The following FAM124B variants were observed in gnomAD, a reference collection of about 807,000 sequenced individuals.
The protein encoded by FAM124B is family with sequence similarity 124 member B, also known as protein FAM124B.
A neutral mutation model predicts 19.7 loss-of-function variants in FAM124B; 18 were observed. The observed-to-expected ratio is 0.92, with a 90% CI of 0.63 to 1.36. The LOEUF is 1.36. Among genes scored for constraint, FAM124B ranks in the 40% most tolerant of loss-of-function variants. The pLI is 0.00. For missense variants in FAM124B, 540 were observed against 553.3 expected, an observed-to-expected ratio of 0.98 and a Z score of 0.24; for synonymous variants, 223 against 225.2, an observed-to-expected ratio of 0.99 and a Z score of 0.09.
At chr2:224,398,498 C>A (rs756344387) in intron 1 of FAM124B, among the ~76,000 whole-genome samples, 2 of 152,214 alleles carry the variant, frequency 1.3e-5, no homozygotes, top group Non-Finnish European at 2.9e-5. Context: ...TACACACTTT[C>A]CTCAGGCACT....
At chr2:224,387,518 C>T (rs184101296) in intron 1 of FAM124B, among the ~76,000 whole-genome samples, 105 of 152,296 alleles carry the variant, frequency 6.9e-4, no homozygotes, top group African/African-American at 2.3e-3. Flanking sequence ...CAGTGCCAGG[C>T]TCACTTAAGA....
intron 1 of FAM124B, among the ~76,000 whole-genome samples, chr2:224,397,401 A>G (rs896954333): frequency 6.6e-6 from 1 of 152,164 alleles, no homozygotes; most frequent in Non-Finnish European, 1.5e-5. Context: ...TAAATTGCCC[A>G]GTCTCGGGTA....
intron 1 of FAM124B, among the ~76,000 whole-genome samples, chr2:224,398,160 C>T (rs1296193325): frequency 6.6e-6 from 1 of 152,150 alleles, no homozygotes; most frequent in African/African-American, 2.4e-5. Flanking sequence ...TTCACTGGCA[C>T]AATCTCGGCT....
intron 1 of FAM124B, among the ~76,000 whole-genome samples, chr2:224,386,362 C>A (rs952356948): frequency 1.3e-5 from 2 of 152,294 alleles, no homozygotes; most frequent in South Asian, 2.1e-4. Context: ...GAGAAGGAAG[C>A]CTTCTCAATG....
At chr2:224,385,658 C>A (rs1460573384) in intron 1 of FAM124B, among the ~76,000 whole-genome samples, 1 of 152,210 alleles carries the variant, frequency 6.6e-6, no homozygotes, top group Non-Finnish European at 1.5e-5. Flanking sequence ...CAACATGCCC[C>A]AAATCATCTG....
rs879566527 is a variant in FAM124B at position 224,401,753 on chromosome 2, C to T, written c.16G>A (p.Gly6Arg). The T allele has an allele frequency of 6.4e-5, 104 of 1,612,518 alleles. No individual in the cohort carries two copies. Among genetic ancestry groups the T allele is most frequent in the Non-Finnish European group, 8.4e-5 (99 of 1,179,340 alleles). Residue 6 changes from glycine (G) to arginine (R), a missense_variant, in exon 1 of 2, where the codon GGG (glycine) becomes AGG (arginine). Coordinates refer to ENST00000409685, the MANE Select transcript of FAM124B (RefSeq NM_001122779.2). MDETQ[G>R]PLAMTVHLLA... ...AGATGGACAGTCATGGCCAGAGGCC[C>T]CTGTGTCTCATCCATGGAGGAACTG...
At chr2:224,398,547 C>G (rs957666284) in intron 1 of FAM124B, among the ~76,000 whole-genome samples, 2 of 152,276 alleles carry the variant, frequency 1.3e-5, no homozygotes, top group African/African-American at 4.8e-5. Context: ...TTCCAGAAGG[C>G]GATCTCTCAC....
chr2:224,389,556 C>T (rs1689848162), intron 1 of FAM124B, among the ~76,000 whole-genome samples: 1 of 151,978 alleles, frequency 6.6e-6, no homozygotes. Flanking sequence ...AAAAAGGAGG[C>T]TTTAAAAACA....
At chr2:224,393,398 G>T (rs75241184) in intron 1 of FAM124B, among the ~76,000 whole-genome samples, 2,110 of 152,308 alleles carry the variant, frequency 0.014, 43 homozygotes, top group African/African-American at 0.046. Flanking sequence ...TATCTGTCCT[G>T]CCCAGGTTGC....
chr2:224,401,750 G>GC lies in FAM124B; in HGVS notation c.18dup (p.Pro7AlafsTer40). 1 of 1,613,006 alleles carries GC rather than the reference G, an allele frequency of 6.2e-7. No homozygotes were observed. Among genetic ancestry groups the GC allele is most frequent in the Non-Finnish European group, 8.5e-7 (1 of 1,179,546 alleles). ...AGAAGATGGACAGTCATGGCCAGAG[G>GC]CCCCTGTGTCTCATCCATGGAGGAA... On this transcript the variant is annotated frameshift_variant, in exon 1 of 2. Transcript: ENST00000409685. LOFTEE classifies it high-confidence loss of function.
intron 1 of FAM124B, among the ~76,000 whole-genome samples, chr2:224,391,541 A>G (rs1193920412): frequency 2.0e-5 from 3 of 152,210 alleles, no homozygotes; most frequent in Non-Finnish European, 4.4e-5. Context: ...GAAATGAAAG[A>G]AGTATATTAT....
intron 1 of FAM124B, among the ~76,000 whole-genome samples, chr2:224,385,386 T>G (rs1386705566): frequency 6.6e-6 from 1 of 152,212 alleles, no homozygotes; most frequent in Non-Finnish European, 1.5e-5. Flanking sequence ...CTCCACCCCT[T>G]CTCCGTTTCC....
chr2:224,386,729 C>T lies in FAM124B; in HGVS notation c.733-6521G>A, dbSNP rs932606798. ...TACACCTTCTTTGTTATCGTATGTCCAGTGCCTAGCACAGTGCCTAACATT... is the reference window on the plus strand; with the variant it reads ...TACACCTTCTTTGTTATCGTATGTCTAGTGCCTAGCACAGTGCCTAACATT... On this transcript the variant is annotated intron_variant, in intron 1 of 1. Transcript: ENST00000409685. Among the ~76,000 whole-genome samples the T allele has an allele frequency of 1.3e-5, 2 of 152,148 alleles. 1 individual carries two copies. The highest frequency in any genetic ancestry group is 4.1e-4 in the South Asian group (2 of 4,828).
intron 1 of FAM124B, among the ~76,000 whole-genome samples, chr2:224,393,217 G>C (rs1689916927): frequency 6.6e-6 from 1 of 152,200 alleles, no homozygotes; most frequent in African/African-American, 2.4e-5. Context: ...GATTGCAGGA[G>C]ATCCAGAGGT....
rs144668009 is a variant in FAM124B at position 224,392,171 on chromosome 2, G to A, written c.732+8866C>T. ...AGAGATGAGGATTTGGCGCTGGCAC[G>A]GTGGCTCACATGCCTGTTATCACAG... is the stretch of plus-strand genomic sequence containing the variant. On this transcript the variant is annotated intron_variant, in intron 1 of 1. Transcript: ENST00000409685. 6.3e-3 allele frequency among the ~76,000 whole-genome samples: 962 copies of A among 152,268 alleles called. 5 individuals carry two copies. The highest frequency in any genetic ancestry group is 8.6e-3 in the Non-Finnish European group (585 of 68,014).
At chr2:224,390,158 C>CACACAG (rs1368022541) in intron 1 of FAM124B, among the ~76,000 whole-genome samples, 25 of 145,388 alleles carry the variant, frequency 1.7e-4, no homozygotes, top group African/African-American at 5.9e-4. Context: ...CACACACACA[C>CACACAG]AGAAAAGGAA....
At chr2:224,400,165 G>A (rs1220110747) in intron 1 of FAM124B, 2 of 282,118 alleles carry the variant, frequency 7.1e-6, no homozygotes, top group Admixed American at 5.1e-5. Context: ...AAGTCAATAC[G>A]AGTTGATGGG....
intron 1 of FAM124B, among the ~76,000 whole-genome samples, chr2:224,386,265 T>C (rs1689799522): frequency 6.6e-6 from 1 of 152,152 alleles, no homozygotes; most frequent in African/African-American, 2.4e-5. Flanking sequence ...GGTTCATATA[T>C]ATTATTTCTT....
At chr2:224,385,670 A>C (rs35241779) in intron 1 of FAM124B, among the ~76,000 whole-genome samples, 17,417 of 152,208 alleles carry the variant, frequency 0.11, 1,102 homozygotes, top group East Asian at 0.24. Flanking sequence ...AATCATCTGC[A>C]CCATGAACTC....
Sources: allele counts gnomAD v4.1 joint callset (sites outside exome capture counted in the v4.1 genomes callset), GRCh38; gene constraint gnomAD v4.1.1; transcripts MANE v1.5; gene names NCBI Gene and HGNC (gene_info 2026-07-23, HGNC 2026-07-21).